The following CLEC16A variants were observed in gnomAD, a reference collection of about 807,000 sequenced individuals.
CLEC16A encodes C-type lectin domain containing 16A.
A neutral mutation model predicts 109.5 loss-of-function variants in CLEC16A; 51 were observed. That is an observed-to-expected ratio of 0.47 (90% CI 0.37 to 0.59). The LOEUF is 0.59. CLEC16A is among the 20% of genes least tolerant of loss of function. The probability of loss-of-function intolerance (pLI) is 0.00; values close to 1 mark genes in which losing one functional copy is unlikely to be tolerated. For synonymous variants in CLEC16A, 673 were observed against 564.2 expected (o/e 1.19, Z -2.73); for missense variants, 1,339 against 1,394.0 (o/e 0.96, Z 0.63).
chr16:11,076,258 C>T (rs974620840), intron 19 of CLEC16A, among the ~76,000 whole-genome samples: 5 of 152,286 alleles, frequency 3.3e-5, no homozygotes, highest in East Asian at 1.9e-4. Flanking sequence ...CCCAGTCATA[C>T]GGAGCTCAAG....
intron 7 of CLEC16A, among the ~76,000 whole-genome samples, chr16:10,973,760 G>A (rs979037062): frequency 6.6e-6 from 1 of 151,688 alleles, no homozygotes; most frequent in African/African-American, 2.4e-5. Context: ...TAGTAGAGAT[G>A]GGGTTTCGTC....
chr16:11,106,883 A>C (rs1296161636), intron 19 of CLEC16A, among the ~76,000 whole-genome samples: 1 of 151,948 alleles, frequency 6.6e-6, no homozygotes, highest in Non-Finnish European at 1.5e-5. Flanking sequence ...CAGAGTTACC[A>C]CTCAACTCCA....
intron 23 of CLEC16A, among the ~76,000 whole-genome samples, chr16:11,170,931 G>A (rs932559554): frequency 6.6e-6 from 1 of 152,186 alleles, no homozygotes; most frequent in South Asian, 2.1e-4. Context: ...CGCTGCAGAT[G>A]ACAGCCGGGG....
chr16:11,036,503 CTT>C (rs1199151997), intron 13 of CLEC16A, among the ~76,000 whole-genome samples: 1 of 148,232 alleles, frequency 6.7e-6, no homozygotes, highest in Non-Finnish European at 1.5e-5. Flanking sequence ...TGATTTAGCT[CTT>C]GTTAGGTTTT....
intron 6 of CLEC16A, 31 bp downstream of exon 6, chr16:10,972,590 C>G: frequency 6.3e-7 from 1 of 1,584,202 alleles, no homozygotes; most frequent in South Asian, 1.1e-5. Flanking sequence ...TTTCTGCTTT[C>G]TTAATCTACC....
At chr16:10,948,763 G>T (rs181867667) in intron 1 of CLEC16A, among the ~76,000 whole-genome samples, 33 of 152,296 alleles carry the variant, frequency 2.2e-4, no homozygotes, top group Non-Finnish European at 4.1e-4. Flanking sequence ...CTGAATCCAG[G>T]TGTTTGGAGC....
intron 5 of CLEC16A, among the ~76,000 whole-genome samples, chr16:10,972,220 C>T (rs974533786): frequency 1.3e-5 from 2 of 152,234 alleles, no homozygotes; most frequent in African/African-American, 4.8e-5. Context: ...AGTCAAGGCC[C>T]ACAGTCCTGC....
intron 1 of CLEC16A, 68 bp downstream of exon 1, chr16:10,944,865 C>T (rs1307819756): frequency 1.4e-6 from 2 of 1,441,734 alleles, no homozygotes; most frequent in East Asian, 2.5e-5. Flanking sequence ...AGCTCCGGGT[C>T]GGGGCTCTAG....
chr16:11,020,370 G>A (rs1422176908), intron 12 of CLEC16A, 45 bp downstream of exon 12: 8 of 1,556,250 alleles, frequency 5.1e-6, no homozygotes, highest in South Asian at 4.7e-5. Flanking sequence ...TCAGGGAAGA[G>A]GAGAGGGCTC....
intron 7 of CLEC16A, 83 bp from the exon 8 acceptor site, chr16:10,977,142 G>A (rs2146539677): frequency 2.4e-6 from 3 of 1,276,004 alleles, no homozygotes; most frequent in Non-Finnish European, 3.3e-6. Flanking sequence ...AACTCACAGT[G>A]ACCTAAGTCT....
intron 11 of CLEC16A, among the ~76,000 whole-genome samples, chr16:11,006,551 T>G (rs2045027522): frequency 6.6e-6 from 1 of 152,178 alleles, no homozygotes; most frequent in African/African-American, 2.4e-5. Flanking sequence ...AGGAAAGAGA[T>G]GCTGACACTC....
At position 11,035,551 on chromosome 16, in the gene CLEC16A, C is replaced by A. The variant is rs953763061; in HGVS notation, c.1538-4203C>A. Reference sequence around the variant, plus strand: ...ATGGCTGCATTCAGGGCTGGGCTTTCCACTCTCCACATGACCCCAGGCAAG... The same window carrying A: ...ATGGCTGCATTCAGGGCTGGGCTTTACACTCTCCACATGACCCCAGGCAAG... On this transcript the variant is annotated intron_variant, in intron 13 of 23. Transcript: ENST00000409790. 2.3e-4 allele frequency among the ~76,000 whole-genome samples: 35 copies of A among 152,126 alleles called. 2 individuals are homozygous for A. The highest frequency in any genetic ancestry group is 5.9e-5 in the Non-Finnish European group (4 of 68,022).
chr16:11,045,929 C>G (rs1368598890), intron 16 of CLEC16A, among the ~76,000 whole-genome samples: 2 of 152,168 alleles, frequency 1.3e-5, no homozygotes, highest in Non-Finnish European at 2.9e-5. Flanking sequence ...CAGATGACCC[C>G]ATCCAGCTGC....
chr16:11,096,832 G>A (rs1003244578), intron 19 of CLEC16A, among the ~76,000 whole-genome samples: 2 of 152,152 alleles, frequency 1.3e-5, no homozygotes, highest in Non-Finnish European at 2.9e-5. Context: ...TGCTGATTTT[G>A]CGTTGATGTA....
chr16:11,016,944 AGG>A (rs2045789630), intron 11 of CLEC16A, among the ~76,000 whole-genome samples: 1 of 121,240 alleles, frequency 8.2e-6, no homozygotes, highest in Non-Finnish European at 1.6e-5. Flanking sequence ...ATGGGAGGGA[AGG>A]GGGATGGTGA....
chr16:11,088,782 A>G (rs1356934226), intron 19 of CLEC16A, among the ~76,000 whole-genome samples: 1 of 152,154 alleles, frequency 6.6e-6, no homozygotes, highest in African/African-American at 2.4e-5. Context: ...TCACTTACCC[A>G]TGGAGTGGGC....
intron 22 of CLEC16A, among the ~76,000 whole-genome samples, chr16:11,161,951 A>G (rs1257831381): frequency 6.6e-6 from 1 of 152,160 alleles, no homozygotes; most frequent in Non-Finnish European, 1.5e-5. Flanking sequence ...ATTGGTGGGG[A>G]AAGCTTAAAG....
chr16:10,947,116 T>G (rs1416564998), intron 1 of CLEC16A, among the ~76,000 whole-genome samples: 2 of 152,248 alleles, frequency 1.3e-5, no homozygotes, highest in Non-Finnish European at 2.9e-5. Context: ...GGATGCTTCT[T>G]TGGAAACCCA....
chr16:11,155,657 A>G (rs139015055), intron 22 of CLEC16A, among the ~76,000 whole-genome samples: 1 of 152,328 alleles, frequency 6.6e-6, no homozygotes, highest in African/African-American at 2.4e-5. Context: ...TCCAGATAGT[A>G]TCTTCAGTTC....
Sources: gnomAD v4.1 joint callset for allele counts (sites outside exome capture counted in the v4.1 genomes callset) on GRCh38, gnomAD v4.1.1 for gene constraint, MANE v1.5 for transcripts, NCBI Gene and HGNC (gene_info 2026-07-23, HGNC 2026-07-21) for gene names.